CTNND2: variants seen among roughly 807,000 people sequenced by gnomAD.
The protein encoded by CTNND2 is catenin delta 2, also known as catenin delta-2.
Under a neutral mutation model 144.4 loss-of-function variants are expected in CTNND2, and 22 were observed. The ratio of observed to expected loss-of-function variants is 0.15; its 90% CI spans 0.11 to 0.22. CTNND2 has a LOEUF of 0.22. Ranked by LOEUF, CTNND2 falls within the 10% of genes least tolerant of loss-of-function variation. The probability of loss-of-function intolerance (pLI) is 1.00; values close to 1 mark genes in which losing one functional copy is unlikely to be tolerated. For missense variants in CTNND2, 1,353 were observed against 1,618.8 expected (o/e 0.84, Z 2.82); for synonymous variants, 751 against 695.6 (o/e 1.08, Z -1.25).
At position 10,973,699 on chromosome 5, in the gene CTNND2, T is replaced by A. The variant is rs1187834055; in HGVS notation, c.3432A>T (p.Pro1144=). ...DIKHNQVSAQ[P]VPQEPSRKDY... is the part of the protein sequence containing the mutation. ...CTTTTCTGCTGGGCTCCTGTGGGAC[T>A]GGCTGTGCTGAAACCTAAACGGGAA... Residue 1144 remains proline (P), a synonymous_variant, in exon 22 of 22, where the codon CCA becomes CCT. Transcript: ENST00000304623. This position sits in a 1 kb window ranked among gnomAD's most constrained non-coding sequence, Gnocchi z 5.6. 6.2e-7 allele frequency: 1 copy of A among 1,603,652 alleles called. No homozygotes were observed. The highest frequency in any genetic ancestry group is 1.3e-5 in the African/African-American group (1 of 74,766).
chr5:11,551,212 C>A (rs1392654159), intron 3 of CTNND2, among the ~76,000 whole-genome samples: 1 of 152,148 alleles, frequency 6.6e-6, no homozygotes, highest in Non-Finnish European at 1.5e-5. Context: ...ACCCCATCGG[C>A]TCCATTTCAA....
intron 12 of CTNND2, among the ~76,000 whole-genome samples, chr5:11,137,868 C>T (rs1756316786): frequency 6.6e-6 from 1 of 152,148 alleles, no homozygotes; most frequent in Non-Finnish European, 1.5e-5. Context: ...CTTTTTGCTA[C>T]TGCCACAAGT....
At chr5:11,582,447 A>G (rs144392271) in intron 2 of CTNND2, among the ~76,000 whole-genome samples, 1 of 152,334 alleles carries the variant, frequency 6.6e-6, no homozygotes, top group African/African-American at 2.4e-5. Flanking sequence ...AAACAAGGAA[A>G]TGGAGAACGA....
intron 3 of CTNND2, among the ~76,000 whole-genome samples, chr5:11,421,268 G>T (rs1762339829): frequency 6.6e-6 from 1 of 152,114 alleles, no homozygotes; most frequent in South Asian, 2.1e-4. Context: ...TCCCAGAAAA[G>T]ATATGAATAT....
At chr5:11,553,522 C>A (rs936023714) in intron 3 of CTNND2, among the ~76,000 whole-genome samples, 8 of 152,116 alleles carry the variant, frequency 5.3e-5, no homozygotes, top group African/African-American at 9.7e-5. Context: ...TTAGCCACTG[C>A]AAATTTATAG....
intron 9 of CTNND2, among the ~76,000 whole-genome samples, chr5:11,337,829 T>C (rs1389044629): frequency 6.6e-6 from 1 of 152,222 alleles, no homozygotes; most frequent in Non-Finnish European, 1.5e-5. Context: ...TACTGGACAT[T>C]ATCATCAGAT....
Position 11,385,025 on chromosome 5 carries a change from G to C in CTNND2, c.817C>G (p.Gln273Glu), listed in dbSNP as rs1758912211. ...TGCAGCTTGGTGGGCGAACCGCCCTGGGGCGCGGCCAGCGGGGAGCCCCCG... is the reference window on the plus strand; with the variant it reads ...TGCAGCTTGGTGGGCGAACCGCCCTCGGGCGCGGCCAGCGGGGAGCCCCCG... ...PRGGSPLAAPQGGSPTKLQRG... is the reference protein window; with the variant it reads ...PRGGSPLAAPEGGSPTKLQRG... Residue 273 changes from glutamine (Q) to glutamate (E), a missense_variant, in exon 7 of 22, where the codon CAG becomes GAG. Transcript: ENST00000304623. 1.6e-6 allele frequency: 2 copies of C among 1,229,108 alleles called. No individual in the cohort carries two copies. Among genetic ancestry groups the C allele is most frequent in the South Asian group, 3.8e-5 (1 of 26,250 alleles). 76.1% of individuals were successfully genotyped at this position (1,229,108 alleles called of 1,614,324 possible). A position where few individuals can be genotyped will look rare whatever the true frequency, so the allele number is the denominator to read the frequency against.
intron 11 of CTNND2, among the ~76,000 whole-genome samples, chr5:11,169,733 G>A (rs947828736): frequency 1.3e-5 from 2 of 152,096 alleles, no homozygotes; most frequent in African/African-American, 2.4e-5. Context: ...GTCAACATAA[G>A]CGCGCTAATT....
intron 9 of CTNND2, among the ~76,000 whole-genome samples, chr5:11,271,535 G>A (rs1188027638): frequency 3.3e-5 from 5 of 152,016 alleles, no homozygotes; most frequent in Non-Finnish European, 2.9e-5. Context: ...TCAAAGATGT[G>A]TGCATGTGAT....
At chr5:11,823,456 G>A (rs572661694) in intron 1 of CTNND2, among the ~76,000 whole-genome samples, 10 of 152,234 alleles carry the variant, frequency 6.6e-5, no homozygotes, top group African/African-American at 2.4e-4. Flanking sequence ...AACAGCCACT[G>A]TTACAAAAAC....
At chr5:11,336,849 AACAC>A (rs149179632) in intron 9 of CTNND2, among the ~76,000 whole-genome samples, 21 of 150,558 alleles carry the variant, frequency 1.4e-4, no homozygotes, top group East Asian at 5.8e-4. Flanking sequence ...ATATGGCACA[AACAC>A]ACACACACAC....
At chr5:11,504,397 T>G (rs545314627) in intron 3 of CTNND2, among the ~76,000 whole-genome samples, 1 of 152,308 alleles carries the variant, frequency 6.6e-6, no homozygotes, top group Non-Finnish European at 1.5e-5. Flanking sequence ...AGCCCAGTCT[T>G]TAAAAAAATT....
At chr5:11,747,149 C>G (rs1243046174) in intron 1 of CTNND2, among the ~76,000 whole-genome samples, 1 of 152,124 alleles carries the variant, frequency 6.6e-6, no homozygotes, top group Non-Finnish European at 1.5e-5. Flanking sequence ...AACAACCATC[C>G]TAGTTCCCCC....
At chr5:11,817,698 G>A (rs1485717660) in intron 1 of CTNND2, among the ~76,000 whole-genome samples, 3 of 152,064 alleles carry the variant, frequency 2.0e-5, no homozygotes, top group Admixed American at 6.5e-5. Context: ...GCATCTCCAC[G>A]CTCTGTCTCC....
chr5:11,107,969 ACCGAAATAAGACCCACAGAGT>A (rs1056325985), intron 14 of CTNND2, among the ~76,000 whole-genome samples: 1 of 152,176 alleles, frequency 6.6e-6, no homozygotes, highest in Non-Finnish European at 1.5e-5. Flanking sequence ...GAAGTCACAG[ACCGAAATAAGACCCACAGAGT>A]CCTTTGCCCC....
intron 3 of CTNND2, among the ~76,000 whole-genome samples, chr5:11,472,913 G>A (rs1352826491): frequency 6.6e-6 from 1 of 152,070 alleles, no homozygotes; most frequent in Non-Finnish European, 1.5e-5. Context: ...AGTGTCACCT[G>A]TCTTCAAAAA....
chr5:10,999,572 G>C (rs565831417), intron 18 of CTNND2, among the ~76,000 whole-genome samples: 1 of 152,268 alleles, frequency 6.6e-6, no homozygotes, highest in South Asian at 2.1e-4. Context: ...ACTATCTGTC[G>C]TTCACCTTCA....
chr5:11,525,267 A>G (rs1281403455), intron 3 of CTNND2, among the ~76,000 whole-genome samples: 2 of 152,112 alleles, frequency 1.3e-5, no homozygotes, highest in East Asian at 3.9e-4. Flanking sequence ...TGAATTTTTA[A>G]CAGGAAACCG....
chr5:11,659,660 A>G (rs955371160), intron 2 of CTNND2, among the ~76,000 whole-genome samples: 2 of 152,120 alleles, frequency 1.3e-5, no homozygotes, highest in African/African-American at 4.8e-5. Flanking sequence ...CATCCAGCAT[A>G]TGACACGTTA....
Sources: allele counts gnomAD v4.1 joint callset (sites outside exome capture counted in the v4.1 genomes callset), GRCh38; gene constraint gnomAD v4.1.1; non-coding constraint Gnocchi (gnomAD v3.1); transcripts MANE v1.5; gene names NCBI Gene and HGNC (gene_info 2026-07-23, HGNC 2026-07-21).